Variants in CCDC158 observed in about 807,000 individuals in gnomAD.
The protein encoded by CCDC158 is coiled-coil domain-containing protein 158.
CCDC158 carries 116 observed loss-of-function variants against 138.6 expected under a neutral mutation model. The ratio of observed to expected loss-of-function variants is 0.84; its 90% CI spans 0.72 to 0.98. The LOEUF (loss-of-function observed/expected upper bound fraction) is 0.98. Ranked by LOEUF, CCDC158 falls within the 50% of genes least tolerant of loss-of-function variation. The pLI is 0.00. For synonymous variants in CCDC158, 436 were observed against 442.4 expected (o/e 0.99, Z 0.18); for missense variants, 1,265 against 1,306.1 (o/e 0.97, Z 0.48).
intron 9 of CCDC158, chr4:76,375,763 C>T (rs1023212176): frequency 2.9e-5 from 17 of 579,538 alleles, no homozygotes; most frequent in South Asian, 1.5e-4. Flanking sequence ...TTGTAAGCTA[C>T]GAAAGCTACA....
chr4:76,315,601 G>A (rs1327635204), intron 24 of CCDC158, among the ~76,000 whole-genome samples: 2 of 152,184 alleles, frequency 1.3e-5, no homozygotes, highest in Admixed American at 1.3e-4. Flanking sequence ...CAACATTCTG[G>A]CTAACCAGAG....
intron 9 of CCDC158, chr4:76,375,563 T>G: frequency 1.4e-6 from 1 of 702,726 alleles, no homozygotes; most frequent in Non-Finnish European, 2.6e-6. Flanking sequence ...GCTTTCAAAG[T>G]AGTAAAAATA....
chr4:76,416,843 G>A (rs1420821356), intron 1 of CCDC158, among the ~76,000 whole-genome samples: 1 of 152,234 alleles, frequency 6.6e-6, no homozygotes, highest in Admixed American at 6.5e-5. Context: ...CCGTTATGGA[G>A]AACCTCTGCT....
At chr4:76,348,268 C>CAA (rs11453657) in intron 18 of CCDC158, among the ~76,000 whole-genome samples, 3,041 of 125,892 alleles carry the variant, frequency 0.024, 51 homozygotes, top group African/African-American at 0.045. Flanking sequence ...ACTAAATATA[C>CAA]AAAAAAAAAA....
At position 76,384,288 on chromosome 4, in the gene CCDC158, G is replaced by A. The variant is rs1165176101; in HGVS notation, c.526C>T (p.Arg176Ter). ...KDSNTQIEQL[R>*]KMMLSHEGVL... is the part of the protein sequence containing the mutation. ...CCCTCATGACTAAGCATCATTTTTC[G>A]TAGTTGCTCTATCTGTGTGTTGCTG... is the stretch of plus-strand genomic sequence containing the variant. Residue 176 changes from arginine (R) to a stop codon, truncating the protein, a stop_gained, in exon 6 of 25, where the codon CGA (arginine) becomes TGA (stop). Coordinates refer to ENST00000682701, the MANE Select transcript of CCDC158 (RefSeq NM_001394954.1). LOFTEE classifies it high-confidence loss of function. 1.4e-5 allele frequency: 22 copies of A among 1,613,934 alleles called. No individual in the cohort carries two copies. Among genetic ancestry groups the A allele is most frequent in the South Asian group, 9.9e-5 (9 of 91,074 alleles).
chr4:76,361,990 C>T, intron 13 of CCDC158, 136 bp downstream of exon 13: 1 of 637,976 alleles, frequency 1.6e-6, no homozygotes. Context: ...CTATGAATAA[C>T]TCCATGGGGG....
chr4:76,331,867 C>A (rs1721041112), intron 20 of CCDC158, among the ~76,000 whole-genome samples: 1 of 152,136 alleles, frequency 6.6e-6, no homozygotes, highest in Non-Finnish European at 1.5e-5. Context: ...GCTATAGTGT[C>A]TTAAAGTACG....
At chr4:76,389,954 C>T (rs1727160931) in intron 4 of CCDC158, among the ~76,000 whole-genome samples, 1 of 152,132 alleles carries the variant, frequency 6.6e-6, no homozygotes, top group South Asian at 2.1e-4. Context: ...ACCCATCCTA[C>T]AAGAAATGCT....
intron 9 of CCDC158, chr4:76,375,561 A>G (rs1725641575): frequency 4.3e-6 from 3 of 702,712 alleles, no homozygotes; most frequent in African/African-American, 1.7e-5. Context: ...CTGCTTTCAA[A>G]GTAGTAAAAA....
At position 76,355,421 on chromosome 4, in the gene CCDC158, A is replaced by G. The variant is rs751089746; in HGVS notation, c.2189T>C (p.Met730Thr). 1 of 1,612,034 alleles carries G rather than the reference A, an allele frequency of 6.2e-7. No homozygotes were observed. The highest frequency in any genetic ancestry group is 2.2e-5 in the East Asian group (1 of 44,862). The change falls in exon 15 of 25, where the codon ATG becomes ACG. Residue 730 changes from methionine to threonine, a missense_variant. Transcript: ENST00000682701. ...GSDGHAMKVAMGMQKQITAKR... is the reference protein window; with the variant it reads ...GSDGHAMKVATGMQKQITAKR... ...GGCTGTGATTTGCTTTTGCATCCCC[A>G]TTGCCACTTTCATAGCTGGAAAAAA... is the stretch of plus-strand genomic sequence containing the variant.
chr4:76,404,471 AC>A (rs1728659467), intron 2 of CCDC158, among the ~76,000 whole-genome samples: 1 of 152,190 alleles, frequency 6.6e-6, no homozygotes, highest in South Asian at 2.1e-4. Flanking sequence ...ATGAAAAATC[AC>A]CCCTGAATTA....
intron 11 of CCDC158, 37 bp downstream of exon 11, chr4:76,369,389 A>G (rs928359248): frequency 6.3e-7 from 1 of 1,596,278 alleles, no homozygotes; most frequent in East Asian, 2.2e-5. Flanking sequence ...CCCAGAGGAG[A>G]TTGTTTGGCG....
At chr4:76,390,663 T>C (rs1407631263) in intron 4 of CCDC158, among the ~76,000 whole-genome samples, 2 of 152,012 alleles carry the variant, frequency 1.3e-5, no homozygotes, top group Admixed American at 6.6e-5. Context: ...ATGGACTAAA[T>C]TGTCTAATCA....
intron 4 of CCDC158, among the ~76,000 whole-genome samples, chr4:76,385,785 G>A (rs1726728383): frequency 6.6e-6 from 1 of 151,994 alleles, no homozygotes; most frequent in African/African-American, 2.4e-5. Context: ...CCCTAGCAAG[G>A]TGAATGAAAA....
intron 18 of CCDC158, chr4:76,345,505 T>C (rs1578922879): frequency 1.4e-5 from 13 of 926,176 alleles, no homozygotes; most frequent in East Asian, 4.8e-5. Context: ...AAGATTCTCA[T>C]TGAAATGTCT....
At chr4:76,370,100 C>T (rs1436928583) in intron 10 of CCDC158, among the ~76,000 whole-genome samples, 1 of 152,092 alleles carries the variant, frequency 6.6e-6, no homozygotes, top group Non-Finnish European at 1.5e-5. Context: ...CCTTTTCAGT[C>T]ACTTAAAAAA....
intron 14 of CCDC158, 71 bp from the exon 15 acceptor site, chr4:76,355,507 A>G: frequency 1.0e-6 from 1 of 986,350 alleles, no homozygotes; most frequent in Non-Finnish European, 1.6e-6. Context: ...TTTGATGGTT[A>G]AACTTTATGA....
intron 16 of CCDC158, 178 bp from the exon 17 acceptor site, chr4:76,351,990 T>C (rs1383562911): frequency 1.3e-5 from 7 of 534,598 alleles, no homozygotes; most frequent in African/African-American, 9.6e-5. Context: ...CTGGAGGCCA[T>C]GTTTTTATCC....
chr4:76,374,874 G>A (rs1579013053), intron 9 of CCDC158, among the ~76,000 whole-genome samples: 1 of 150,810 alleles, frequency 6.6e-6, no homozygotes, highest in East Asian at 1.9e-4. Flanking sequence ...ATTAAAAAAA[G>A]AAAGAAAAAG....
Sources: allele counts gnomAD v4.1 joint callset (sites outside exome capture counted in the v4.1 genomes callset), GRCh38; gene constraint gnomAD v4.1.1; transcripts MANE v1.5; gene names NCBI Gene and HGNC (gene_info 2026-07-23, HGNC 2026-07-21).